Variants in MYH11 observed in about 807,000 individuals in gnomAD.
MYH11 encodes myosin-11.
In MYH11, 80 loss-of-function variants were observed where a neutral mutation model predicts 246.6. The observed-to-expected ratio is 0.32, with a 90% CI of 0.27 to 0.39. The LOEUF is 0.39. Among genes scored for constraint, MYH11 ranks in the 10% least tolerant of loss-of-function variants. The pLI, the probability that MYH11 is intolerant of heterozygous loss-of-function variation, is 1.00. For missense variants in MYH11, 2,158 were observed against 2,546.8 expected (o/e 0.85, Z 3.29); for synonymous variants, 1,071 against 1,015.5 (o/e 1.05, Z -1.04).
intron 38 of MYH11, 88 bp downstream of exon 38, chr16:15,717,052 A>C: frequency 7.2e-7 from 1 of 1,387,566 alleles, no homozygotes; most frequent in Non-Finnish European, 1.0e-6. Flanking sequence ...GCCAGAACTG[A>C]TGCTGGAAGA....
At chr16:15,759,358 G>T (rs529432724) in intron 12 of MYH11, among the ~76,000 whole-genome samples, 1 of 152,054 alleles carries the variant, frequency 6.6e-6, no homozygotes, top group African/African-American at 2.4e-5. Context: ...CCCTGCCTAC[G>T]GGATCCAGCT....
chr16:15,749,988 G>T, intron 16 of MYH11, 150 bp downstream of exon 16: 1 of 965,824 alleles, frequency 1.0e-6, no homozygotes, highest in Non-Finnish European at 1.6e-6. Flanking sequence ...CTCCAGGGAT[G>T]GGGAATGGGT....
chr16:15,825,157 T>A (rs2043525990), intron 2 of MYH11, among the ~76,000 whole-genome samples: 1 of 152,012 alleles, frequency 6.6e-6, no homozygotes, highest in Non-Finnish European at 1.5e-5. Context: ...GGCAAAGCCA[T>A]GGAGACAGAA....
chr16:15,715,260 C>G lies in MYH11; in HGVS notation c.5517G>C (p.Ala1839=), dbSNP rs28505375. ...QVEQEAREKQ[A]ATKSLKQKDK... is the part of the protein sequence containing the mutation. ...CTTTCTGCTTCAGCGACTTGGTGGCCGCCTGTTTCTCTCTGCAAACAGCAA... is the reference window on the plus strand; with the variant it reads ...CTTTCTGCTTCAGCGACTTGGTGGCGGCCTGTTTCTCTCTGCAAACAGCAA... Residue 1839 remains alanine, a synonymous_variant, in exon 39 of 41, where the codon GCG becomes GCC. Coordinates refer to ENST00000300036, the MANE Select transcript of MYH11 (RefSeq NM_002474.3). 7 of 1,613,896 alleles carry G rather than the reference C, an allele frequency of 4.3e-6. No individual in the cohort carries two copies. Among genetic ancestry groups the G allele is most frequent in the Middle Eastern group, 1.7e-4 (1 of 6,048 alleles).
At chr16:15,738,789 C>A in intron 23 of MYH11, 101 bp from the exon 24 acceptor site, 1 of 1,373,504 alleles carries the variant, frequency 7.3e-7, no homozygotes, top group Non-Finnish European at 1.0e-6. Context: ...GAAAGAAAAA[C>A]CCACATTATA....
chr16:15,794,416 T>G (rs369860298), intron 4 of MYH11, among the ~76,000 whole-genome samples: 5 of 152,286 alleles, frequency 3.3e-5, no homozygotes, highest in African/African-American at 1.2e-4. Flanking sequence ...ACTGAAGATG[T>G]TGGTGGTTCT....
intron 2 of MYH11, among the ~76,000 whole-genome samples, chr16:15,827,816 C>T (rs1596914049): frequency 6.6e-6 from 1 of 152,234 alleles, no homozygotes; most frequent in East Asian, 1.9e-4. Flanking sequence ...CAGTGGACTA[C>T]ACTGAGCCAG....
chr16:15,797,183 A>G (rs1325454005), intron 4 of MYH11, among the ~76,000 whole-genome samples: 1 of 152,036 alleles, frequency 6.6e-6, no homozygotes, highest in Admixed American at 6.6e-5. Context: ...ATCTATATCA[A>G]CCCCAAACTT....
intron 12 of MYH11, among the ~76,000 whole-genome samples, chr16:15,759,331 G>A (rs1328611744): frequency 6.6e-6 from 1 of 151,740 alleles, no homozygotes; most frequent in Non-Finnish European, 1.5e-5. Context: ...GAGAGAGAAC[G>A]ATGGCGGGAG....
chr16:15,718,180 C>T (rs2040267123), intron 37 of MYH11, 135 bp downstream of exon 37: 5 of 1,422,404 alleles, frequency 3.5e-6, no homozygotes, highest in African/African-American at 2.8e-5. Flanking sequence ...TCTCTACTCT[C>T]AGGCCCCACC....
intron 38 of MYH11, among the ~76,000 whole-genome samples, chr16:15,715,779 T>TG (rs1048020262): frequency 2.6e-5 from 4 of 152,050 alleles, no homozygotes; most frequent in African/African-American, 9.7e-5. Context: ...CCCAAGTAGC[T>TG]GGGACTACAG....
chr16:15,825,903 C>T (rs956942832), intron 2 of MYH11, among the ~76,000 whole-genome samples: 12 of 152,086 alleles, frequency 7.9e-5, no homozygotes, highest in African/African-American at 2.9e-4. Flanking sequence ...CTGCCCAAGA[C>T]TCTGATGGCC....
chr16:15,710,951 T>G (rs2039756374), intron 40 of MYH11, among the ~76,000 whole-genome samples: 1 of 152,184 alleles, frequency 6.6e-6, no homozygotes, highest in Non-Finnish European at 1.5e-5. Context: ...GTGCTGGGAT[T>G]ACAGGCGTGA....
chr16:15,806,870 G>GA (rs1186148517), intron 3 of MYH11, among the ~76,000 whole-genome samples: 1 of 152,146 alleles, frequency 6.6e-6, no homozygotes, highest in African/African-American at 2.4e-5. Flanking sequence ...AGAAGCAATG[G>GA]AAAATGCATA....
chr16:15,708,779 G>A (rs754707982), intron 40 of MYH11: 4 of 1,600,284 alleles, frequency 2.5e-6, no homozygotes, highest in Non-Finnish European at 3.4e-6. Flanking sequence ...ACAACACACA[G>A]CTGCGAAGCT....
intron 2 of MYH11, among the ~76,000 whole-genome samples, chr16:15,835,947 G>A (rs1024183984): frequency 6.6e-6 from 1 of 151,700 alleles, no homozygotes; most frequent in Non-Finnish European, 1.5e-5. Context: ...ATGGGGTCTC[G>A]TTGTGTTGCC....
chr16:15,825,531 C>T (rs1324621791), intron 2 of MYH11, among the ~76,000 whole-genome samples: 2 of 152,044 alleles, frequency 1.3e-5, no homozygotes. Flanking sequence ...CACTCTAGCC[C>T]CTGGGTGACA....
chr16:15,732,713 G>A lies in MYH11; in HGVS notation c.3507-5C>T. 6.2e-7 allele frequency: 1 copy of A among 1,614,194 alleles called. No homozygotes were observed. The highest frequency in any genetic ancestry group is 8.5e-7 in the Non-Finnish European group (1 of 1,180,050). ...ACCTCCTGCTCCCTCTTGGCCCTTG[G>A]TGGGAGGAACACAGTGAATGGCAGT... On this transcript the variant is annotated splice_polypyrimidine_tract_variant and splice_region_variant and intron_variant, in intron 26 of 40. Transcript: ENST00000300036.
At chr16:15,725,349 G>C (rs2040701540) in intron 28 of MYH11, 1 of 559,736 alleles carries the variant, frequency 1.8e-6, no homozygotes, top group South Asian at 2.3e-5. Context: ...TGAGAGTCCA[G>C]ACGAGGTGCT....
Sources: gnomAD v4.1 joint callset for allele counts (sites outside exome capture counted in the v4.1 genomes callset) on GRCh38, gnomAD v4.1.1 for gene constraint, MANE v1.5 for transcripts, NCBI Gene and HGNC (gene_info 2026-07-23, HGNC 2026-07-21) for gene names.